Variants in DNAH9 observed in about 807,000 individuals in gnomAD.
DNAH9 encodes the protein DNAH9 variant protein.
Under a neutral mutation model 471.6 loss-of-function variants are expected in DNAH9, and 345 were observed. That is an observed-to-expected ratio of 0.73 (90% CI 0.67 to 0.80). The LOEUF (loss-of-function observed/expected upper bound fraction) is 0.80. Among genes scored for constraint, DNAH9 ranks in the 30% least tolerant of loss-of-function variants. DNAH9 has a pLI of 0.00. For synonymous variants in DNAH9, 2,093 were observed against 2,123.6 expected (o/e 0.99, Z 0.40); for missense variants, 5,407 against 5,609.2 (o/e 0.96, Z 1.15).
chr17:11,655,254 C>T (rs1182464356), intron 14 of DNAH9, among the ~76,000 whole-genome samples: 1 of 151,844 alleles, frequency 6.6e-6, no homozygotes, highest in Admixed American at 6.6e-5. Flanking sequence ...GTTTTCCATT[C>T]CTGAGTTACT....
chr17:11,868,236 A>T (rs1972130718), intron 50 of DNAH9, among the ~76,000 whole-genome samples: 1 of 152,182 alleles, frequency 6.6e-6, no homozygotes, highest in African/African-American at 2.4e-5. Context: ...GCCATCCTTA[A>T]TTGGATGGCC....
rs547049552 is a variant in DNAH9 at position 11,881,235 on chromosome 17, G to A, written c.10628G>A (p.Cys3543Tyr). The A allele has an allele frequency of 6.2e-7, 1 of 1,614,190 alleles. No homozygotes were observed. The highest frequency in any genetic ancestry group is 1.1e-5 in the South Asian group (1 of 91,082). Residue 3543 changes from cysteine to tyrosine, a missense_variant, in exon 55 of 69, where the codon TGT (cysteine) becomes TAT (tyrosine). This residue lies in a region of DNAH9 where 4,636 missense variants were observed against 4,900.3 expected (regional missense o/e 0.95). Transcript: ENST00000262442. ...TTCATTAAAATTGGAGACAAAGAAT[G>A]TGAATACAATCCCAAGTTCCGGCTC... ...GRFIKIGDKECEYNPKFRLIL... is the reference protein window; with the variant it reads ...GRFIKIGDKEYEYNPKFRLIL...
intron 50 of DNAH9, among the ~76,000 whole-genome samples, chr17:11,857,596 G>A (rs1196557027): frequency 6.6e-6 from 1 of 152,186 alleles, no homozygotes; most frequent in Non-Finnish European, 1.5e-5. Flanking sequence ...TGGGTGGAAA[G>A]CATATTTCAA....
At chr17:11,657,962 T>A (rs543882752) in intron 14 of DNAH9, among the ~76,000 whole-genome samples, 1 of 152,144 alleles carries the variant, frequency 6.6e-6, no homozygotes, top group Non-Finnish European at 1.5e-5. Context: ...GTCCTGCAAT[T>A]CAGTTTTTCC....
In DNAH9 at chr17:11,624,140, C is replaced by T. The variant is rs548703416; in HGVS notation, c.1350+4359C>T. 4.6e-5 allele frequency among the ~76,000 whole-genome samples: 7 copies of T among 152,244 alleles called. No individual in the cohort carries two copies. The South Asian group carries it at 1.5e-3, about 32-fold the overall frequency. On this transcript the variant is annotated intron_variant, in intron 6 of 68. Coordinates refer to ENST00000262442, the MANE Select transcript of DNAH9 (RefSeq NM_001372.4). ...GATTTAACCCTTGTGGAGGGAAGAA[C>T]AAGGAATAGAAAACTAAAAAATTAA...
intron 4 of DNAH9, chr17:11,612,345 G>T (rs758424): frequency 0.38 from 66,425 of 176,298 alleles, 14,041 homozygotes; most frequent in South Asian, 0.6. Context: ...TCCCTGGCAC[G>T]CTGGGAACTC....
intron 14 of DNAH9, among the ~76,000 whole-genome samples, chr17:11,653,290 A>C (rs2073554068): frequency 6.6e-6 from 1 of 152,206 alleles, no homozygotes; most frequent in Admixed American, 6.5e-5. Context: ...AGAAGATGAC[A>C]AGGGCAAAAT....
At chr17:11,633,667 A>G (rs891412302) in intron 8 of DNAH9, among the ~76,000 whole-genome samples, 2 of 152,214 alleles carry the variant, frequency 1.3e-5, no homozygotes, top group South Asian at 2.1e-4. Flanking sequence ...AAGGGCTTGC[A>G]TGTGTCTACA....
At chr17:11,895,076 G>A (rs12600869) in intron 59 of DNAH9, among the ~76,000 whole-genome samples, 1 of 152,222 alleles carries the variant, frequency 6.6e-6, no homozygotes, top group Non-Finnish European at 1.5e-5. Context: ...ACGCTTACCA[G>A]AAGCCCAGAA....
chr17:11,888,005 G>C (rs1223052370), intron 57 of DNAH9, among the ~76,000 whole-genome samples: 1 of 149,640 alleles, frequency 6.7e-6, no homozygotes, highest in Admixed American at 6.6e-5. Flanking sequence ...TTTTTTGAGA[G>C]GGAGTCTCGC....
intron 43 of DNAH9, among the ~76,000 whole-genome samples, chr17:11,798,526 C>T (rs1161705217): frequency 6.7e-6 from 1 of 149,580 alleles, no homozygotes; most frequent in Non-Finnish European, 1.5e-5. Context: ...ATTAAATATC[C>T]TTTTAGTGTT....
chr17:11,672,123 G>A (rs185084546), intron 17 of DNAH9, among the ~76,000 whole-genome samples: 2 of 152,086 alleles, frequency 1.3e-5, no homozygotes, highest in African/African-American at 4.8e-5. Flanking sequence ...TTAATAGGTC[G>A]GGATGAATCC....
chr17:11,762,437 C>T (rs940161010), intron 35 of DNAH9, among the ~76,000 whole-genome samples: 2 of 152,108 alleles, frequency 1.3e-5, no homozygotes, highest in Non-Finnish European at 2.9e-5. Context: ...TGAGCTTGTG[C>T]ATGCTCCTGC....
intron 33 of DNAH9, among the ~76,000 whole-genome samples, chr17:11,755,352 T>C (rs1967334312): frequency 6.6e-6 from 1 of 152,196 alleles, no homozygotes; most frequent in Non-Finnish European, 1.5e-5. Context: ...TTTCTAGTTC[T>C]GTGAAGAATG....
intron 49 of DNAH9, among the ~76,000 whole-genome samples, chr17:11,850,915 A>G (rs1483833714): frequency 6.6e-6 from 1 of 152,154 alleles, no homozygotes; most frequent in Non-Finnish European, 1.5e-5. Context: ...GGTTAACAAG[A>G]TAAATGGAGG....
At chr17:11,677,588 A>T (rs1449115779) in intron 17 of DNAH9, among the ~76,000 whole-genome samples, 2 of 152,160 alleles carry the variant, frequency 1.3e-5, no homozygotes, top group Non-Finnish European at 2.9e-5. Flanking sequence ...AATCCACTTT[A>T]GCAATATGTA....
At chr17:11,625,099 G>A (rs896133640) in intron 6 of DNAH9, among the ~76,000 whole-genome samples, 4 of 151,204 alleles carry the variant, frequency 2.6e-5, no homozygotes, top group Non-Finnish European at 4.4e-5. Context: ...CACACACACC[G>A]AGTTCATTTT....
intron 35 of DNAH9, among the ~76,000 whole-genome samples, chr17:11,762,572 T>G (rs1474350703): frequency 6.6e-6 from 1 of 152,114 alleles, no homozygotes; most frequent in African/African-American, 2.4e-5. Context: ...TATTTTCAGT[T>G]GAAGAACTCC....
At chr17:11,807,581 C>A in intron 43 of DNAH9, 151 bp from the exon 44 acceptor site, 1 of 802,650 alleles carries the variant, frequency 1.2e-6, no homozygotes, top group Non-Finnish European at 1.9e-6. Flanking sequence ...AAGGTGAGGC[C>A]AGGTTTAGGG....
Sources: gnomAD v4.1 joint callset for allele counts (sites outside exome capture counted in the v4.1 genomes callset) on GRCh38, gnomAD v4.1.1 for gene constraint, gnomAD v4.1.1 regional missense constraint, MANE v1.5 for transcripts, NCBI Gene and HGNC (gene_info 2026-07-23, HGNC 2026-07-21) for gene names.